The following ZFHX3 variants were observed in gnomAD, a reference collection of about 807,000 sequenced individuals.
ZFHX3 encodes zinc finger homeobox 3, also known as zinc finger homeobox protein 3.
ZFHX3 carries 42 observed loss-of-function variants against 279.1 expected under a neutral mutation model. The observed-to-expected ratio is 0.15, with a 90% CI of 0.12 to 0.19. The LOEUF (loss-of-function observed/expected upper bound fraction) is 0.19, where lower values mean the gene tolerates loss of function less well. ZFHX3 is among the 10% of genes least tolerant of loss of function. ZFHX3 has a pLI of 1.00. For missense variants in ZFHX3, 4,981 were observed against 4,754.0 expected, an observed-to-expected ratio of 1.05 and a Z score of -1.40; for synonymous variants, 2,293 against 1,957.8, an observed-to-expected ratio of 1.17 and a Z score of -4.52.
rs142887800 is a variant in ZFHX3 at position 73,787,121 on chromosome 16, A to G, written c.-1608+104530T>C. Among the ~76,000 whole-genome samples, 4 of 152,118 alleles carry G rather than the reference A, an allele frequency of 2.6e-5. No individual in the cohort carries two copies. The East Asian group carries it at 7.7e-4, about 29-fold the overall frequency. ...TGTCATTTTAGTAAGGCTTTGGGAG[A>G]GGGTAAAGAAACTCATGTGTTCAAG... On this transcript the variant is annotated intron_variant, in intron 1 of 17. Transcript: ENST00000641206.
chr16:73,875,910 AC>A (rs1416382230), intron 1 of ZFHX3, among the ~76,000 whole-genome samples: 1 of 152,234 alleles, frequency 6.6e-6, no homozygotes, highest in East Asian at 1.9e-4. Context: ...AAATATATAC[AC>A]ATGATTTTGC....
chr16:73,228,261 A>C (rs1192860848), intron 5 of ZFHX3, among the ~76,000 whole-genome samples: 2 of 152,230 alleles, frequency 1.3e-5, no homozygotes, highest in Non-Finnish European at 2.9e-5. Flanking sequence ...AAAAATTATT[A>C]AACTTGTATT....
At position 73,184,800 on chromosome 16, in the gene ZFHX3, A is replaced by G. The variant is rs539966091; in HGVS notation, c.-1103-40969T>C. 2.0e-5 allele frequency among the ~76,000 whole-genome samples: 3 copies of G among 152,314 alleles called. No individual in the cohort carries two copies. The East Asian group carries it at 5.8e-4, about 29-fold the overall frequency. ...AAAAATGTCAAACGTAAACCTGAAAACATAATTGTTCCCTTAATGAAATTC... is the reference window on the plus strand; with the variant it reads ...AAAAATGTCAAACGTAAACCTGAAAGCATAATTGTTCCCTTAATGAAATTC... On this transcript the variant is annotated intron_variant, in intron 5 of 17. Transcript: ENST00000641206.
intron 1 of ZFHX3, among the ~76,000 whole-genome samples, chr16:73,780,304 C>T (rs1161191968): frequency 4.6e-5 from 7 of 151,160 alleles, no homozygotes; most frequent in African/African-American, 1.7e-4. Context: ...TATGCCACCA[C>T]GCCTGGCTAA....
intron 2 of ZFHX3, among the ~76,000 whole-genome samples, chr16:73,655,866 G>A (rs879233073): frequency 3.9e-5 from 6 of 152,092 alleles, no homozygotes; most frequent in Admixed American, 2.6e-4. Flanking sequence ...CTACTCCTGG[G>A]TACATCCACT....
intron 1 of ZFHX3, among the ~76,000 whole-genome samples, chr16:73,746,458 C>G (rs1398390212): frequency 6.6e-6 from 1 of 152,156 alleles, no homozygotes; most frequent in Non-Finnish European, 1.5e-5. Flanking sequence ...AAATACAGCA[C>G]CTTCATAGTC....
At chr16:73,148,925 C>T (rs1013496647) in intron 5 of ZFHX3, among the ~76,000 whole-genome samples, 2 of 151,528 alleles carry the variant, frequency 1.3e-5, no homozygotes, top group Non-Finnish European at 1.5e-5. Context: ...CCAGCCTAGG[C>T]GACAGAGCAA....
intron 1 of ZFHX3, among the ~76,000 whole-genome samples, chr16:73,876,631 T>TCA (rs2029955431): frequency 6.6e-6 from 1 of 152,206 alleles, no homozygotes; most frequent in Admixed American, 6.5e-5. Context: ...AGTATAGAAA[T>TCA]AGTTCCTTTA....
chr16:73,053,390 C>CT (rs1477072712), intron 1 of ZFHX3, among the ~76,000 whole-genome samples: 8 of 152,080 alleles, frequency 5.3e-5, no homozygotes, highest in Admixed American at 1.3e-4. Context: ...GAAACACTTT[C>CT]TTTTTTTCAC....
intron 4 of ZFHX3, among the ~76,000 whole-genome samples, chr16:73,299,087 T>C (rs1284114548): frequency 2.0e-5 from 3 of 152,196 alleles, no homozygotes; most frequent in Non-Finnish European, 2.9e-5. Context: ...ATTATGATGA[T>C]GATTATTTTA....
Position 73,651,156 on chromosome 16 carries a change from T to C in ZFHX3, c.-1547+29024A>G, listed in dbSNP as rs1025911194. On this transcript the variant is annotated intron_variant, in intron 2 of 17. Transcript: ENST00000641206. ...AAATAAAAAACACAATAAATCCATA[T>C]AACAGCAGATTAGAAACAGCCAAAG... Among the ~76,000 whole-genome samples the C allele has an allele frequency of 4.6e-5, 7 of 151,248 alleles. No homozygotes were observed. In the South Asian group the frequency reaches 1.5e-3, roughly 32 times the overall value.
At chr16:73,283,198 C>G (rs1317938648) in intron 4 of ZFHX3, among the ~76,000 whole-genome samples, 1 of 152,178 alleles carries the variant, frequency 6.6e-6, no homozygotes, top group Non-Finnish European at 1.5e-5. Context: ...TTGCTGACAC[C>G]TGCTTTCCGG....
chr16:73,703,019 A>G (rs1268737300), intron 1 of ZFHX3, among the ~76,000 whole-genome samples: 1 of 152,190 alleles, frequency 6.6e-6, no homozygotes, highest in Non-Finnish European at 1.5e-5. Flanking sequence ...GAAAGAGGAG[A>G]AAGAGCTGAG....
intron 1 of ZFHX3, among the ~76,000 whole-genome samples, chr16:73,849,891 C>T (rs1276094320): frequency 2.0e-5 from 3 of 152,190 alleles, no homozygotes; most frequent in African/African-American, 4.8e-5. Flanking sequence ...TGCCACCATG[C>T]CCGGCTAATT....
At chr16:72,939,333 G>A (rs1376531250) in intron 3 of ZFHX3, among the ~76,000 whole-genome samples, 1 of 152,132 alleles carries the variant, frequency 6.6e-6, no homozygotes, top group African/African-American at 2.4e-5. Context: ...ACAATGAGCA[G>A]TTCGTAAAGA....
intron 4 of ZFHX3, among the ~76,000 whole-genome samples, chr16:73,277,732 A>G (rs1364341498): frequency 4.6e-5 from 7 of 152,186 alleles, no homozygotes; most frequent in African/African-American, 9.7e-5. Flanking sequence ...TCGCATTGCT[A>G]TAATACTCGG....
chr16:72,827,677 G>C (rs1418020602), intron 5 of ZFHX3, among the ~76,000 whole-genome samples: 1 of 152,208 alleles, frequency 6.6e-6, no homozygotes, highest in Non-Finnish European at 1.5e-5. Flanking sequence ...CCCCACAGGA[G>C]GATACGTCCC....
chr16:72,928,193 G>GCGA lies in ZFHX3; in HGVS notation c.3216+22275_3216+22276insTCG, dbSNP rs1567588639. ...GAGGGGGAGGGGAGAGAGGGAGGGG[G>GCGA]AGGGGAGCGAGGGGGAGCGAAGGGG... On this transcript the variant is annotated intron_variant, in intron 3 of 9. Coordinates refer to ENST00000268489, the MANE Select transcript of ZFHX3 (RefSeq NM_006885.4). Among the ~76,000 whole-genome samples the GCGA allele has an allele frequency of 4.9e-4, 22 of 45,008 alleles. 1 individual carries two copies. The highest frequency in any genetic ancestry group is 1.8e-3 in the African/African-American group (18 of 9,762). 29.5% of individuals were successfully genotyped at this position (45,008 alleles called of 152,430 possible).
intron 2 of ZFHX3, among the ~76,000 whole-genome samples, chr16:73,669,673 C>T (rs550728404): frequency 1.3e-5 from 2 of 152,308 alleles, no homozygotes; most frequent in African/African-American, 2.4e-5. Flanking sequence ...TTTATAGAGG[C>T]TTTGCCTGCT....
Sources: allele counts gnomAD v4.1 joint callset (sites outside exome capture counted in the v4.1 genomes callset), GRCh38; gene constraint gnomAD v4.1.1; transcripts MANE v1.5; gene names NCBI Gene and HGNC (gene_info 2026-07-23, HGNC 2026-07-21).